RPS6KC1: variants seen among roughly 807,000 people sequenced by gnomAD.
RPS6KC1 encodes the protein inactive ribosomal protein S6 kinase delta-1.
RPS6KC1 carries 54 observed loss-of-function variants against 103.8 expected under a neutral mutation model. The observed-to-expected ratio is 0.52, with a 90% confidence interval of 0.42 to 0.65. The LOEUF is 0.65. RPS6KC1 is among the 30% of genes least tolerant of loss of function. The pLI is 0.00. For synonymous variants in RPS6KC1, 439 were observed against 438.7 expected (o/e 1.00, Z -0.01); for missense variants, 1,151 against 1,253.8 (o/e 0.92, Z 1.24).
intron 7 of RPS6KC1, among the ~76,000 whole-genome samples, chr1:213,168,267 C>T (rs1391027074): frequency 6.6e-6 from 1 of 152,138 alleles, no homozygotes; most frequent in Admixed American, 6.5e-5. Flanking sequence ...TGTATTTGGA[C>T]ATTTTAAAGT....
chr1:213,346,758 T>A, the RPS6KC1 span, among the ~76,000 whole-genome samples: 1 of 152,198 alleles, frequency 6.6e-6, no homozygotes, highest in African/African-American at 2.4e-5. Flanking sequence ...AGTGCGATTT[T>A]ATAAACATAT....
chr1:213,072,900 A>G (rs1183222901), intron 2 of RPS6KC1: 42 of 978,766 alleles, frequency 4.3e-5, no homozygotes, highest in South Asian at 9.5e-5. Context: ...ATCCATGAAC[A>G]TACTCTCTGC....
chr1:213,789,780 T>C, the RPS6KC1 span, among the ~76,000 whole-genome samples: 96 of 152,312 alleles, frequency 6.3e-4, no homozygotes, highest in East Asian at 0.016. Context: ...AGATTCATGA[T>C]AACATTGTCA....
chr1:213,386,178 C>T, the RPS6KC1 span, among the ~76,000 whole-genome samples: 1 of 152,178 alleles, frequency 6.6e-6, no homozygotes, highest in Non-Finnish European at 1.5e-5. Flanking sequence ...TTTCCACTCT[C>T]TCTTGCTTCC....
intron 3 of RPS6KC1, among the ~76,000 whole-genome samples, chr1:213,080,681 C>T (rs767533439): frequency 1.7e-4 from 26 of 152,178 alleles, no homozygotes; most frequent in Non-Finnish European, 3.5e-4. Flanking sequence ...CCTCCCACCT[C>T]AGCCCCCCGA....
chr1:213,384,390 A>T, the RPS6KC1 span, among the ~76,000 whole-genome samples: 3 of 151,932 alleles, frequency 2.0e-5, no homozygotes, highest in African/African-American at 7.3e-5. Context: ...GGTCAAGGGG[A>T]TGTGGCCAGG....
chr1:213,655,868 C>T, the RPS6KC1 span, among the ~76,000 whole-genome samples: 1 of 152,104 alleles, frequency 6.6e-6, no homozygotes, highest in Non-Finnish European at 1.5e-5. Flanking sequence ...TAGAGGATGA[C>T]CCCCTGTGTA....
intron 3 of RPS6KC1, among the ~76,000 whole-genome samples, chr1:213,097,260 A>T (rs1013817602): frequency 2.0e-5 from 3 of 152,332 alleles, no homozygotes; most frequent in African/African-American, 7.2e-5. Flanking sequence ...AGGCTGAGAC[A>T]GGAGAATCAC....
At chr1:213,764,616 T>C in the RPS6KC1 span, among the ~76,000 whole-genome samples, 1 of 152,146 alleles carries the variant, frequency 6.6e-6, no homozygotes. Flanking sequence ...TCAGTCCTCC[T>C]CTGCCACATG....
the RPS6KC1 span, among the ~76,000 whole-genome samples, chr1:213,494,083 G>C: frequency 1.3e-5 from 2 of 152,070 alleles, no homozygotes; most frequent in Admixed American, 6.5e-5. Flanking sequence ...AGTATATGAT[G>C]CAATGATAGG....
the RPS6KC1 span, among the ~76,000 whole-genome samples, chr1:213,571,616 A>G: frequency 3.2e-3 from 485 of 152,262 alleles, 4 homozygotes; most frequent in African/African-American, 0.011. Flanking sequence ...CTCACTTCTC[A>G]CCAGCTCAGT....
chr1:213,471,298 G>C, the RPS6KC1 span, among the ~76,000 whole-genome samples: 3 of 152,142 alleles, frequency 2.0e-5, no homozygotes, highest in Non-Finnish European at 2.9e-5. Flanking sequence ...CAGTCATTCT[G>C]CCAAGGAACT....
the RPS6KC1 span, among the ~76,000 whole-genome samples, chr1:213,719,843 A>T: frequency 6.6e-6 from 1 of 152,100 alleles, no homozygotes; most frequent in South Asian, 2.1e-4. Context: ...TAGGGAGGAG[A>T]GGGTTGGCAA....
the RPS6KC1 span, among the ~76,000 whole-genome samples, chr1:213,804,073 C>A: frequency 6.8e-6 from 1 of 147,096 alleles, no homozygotes; most frequent in Non-Finnish European, 1.5e-5. Context: ...AACAAACCTG[C>A]ACGTTGTGAA....
the RPS6KC1 span, among the ~76,000 whole-genome samples, chr1:213,564,907 A>T: frequency 1.3e-5 from 2 of 152,230 alleles, no homozygotes; most frequent in African/African-American, 2.4e-5. Context: ...TGACTGATGA[A>T]ATATTACTTT....
the RPS6KC1 span, among the ~76,000 whole-genome samples, chr1:213,540,323 G>A: frequency 1.3e-5 from 2 of 152,068 alleles, no homozygotes; most frequent in East Asian, 3.9e-4. Flanking sequence ...TCACTATGTT[G>A]TCCAGACTAT....
In RPS6KC1 at chr1:213,176,979, C is replaced by T. The variant is rs183839790; in HGVS notation, c.1044+487C>T. On this transcript the variant is annotated intron_variant, in intron 8 of 14. Coordinates refer to ENST00000366960, the MANE Select transcript of RPS6KC1 (RefSeq NM_012424.6). ...CTTGGTGGAAAAGTGATGTTTAGAG[C>T]AGATTAAATAACTTGGCCCAAAGTC... 1.5e-4 allele frequency among the ~76,000 whole-genome samples: 23 copies of T among 152,226 alleles called. No individual in the cohort carries two copies. The South Asian group carries it at 4.8e-3, about 32-fold the overall frequency.
the RPS6KC1 span, among the ~76,000 whole-genome samples, chr1:213,315,080 G>A: frequency 6.6e-6 from 1 of 152,216 alleles, no homozygotes; most frequent in Non-Finnish European, 1.5e-5. Flanking sequence ...CATTCACAAT[G>A]ATTTTAAATG....
At chr1:213,715,902 C>T in the RPS6KC1 span, among the ~76,000 whole-genome samples, 1 of 152,248 alleles carries the variant, frequency 6.6e-6, no homozygotes, top group East Asian at 1.9e-4. Flanking sequence ...TCCAAATGCC[C>T]CTCTCAAGAT....
Sources: allele counts gnomAD v4.1 joint callset (sites outside exome capture counted in the v4.1 genomes callset), GRCh38; gene constraint gnomAD v4.1.1; transcripts MANE v1.5; gene names NCBI Gene and HGNC (gene_info 2026-07-23, HGNC 2026-07-21).